The following PDE11A variants were observed in gnomAD, a reference collection of about 807,000 sequenced individuals.
PDE11A encodes phosphodiesterase 11A, also known as dual 3',5'-cyclic-AMP and -GMP phosphodiesterase 11A.
In PDE11A, 100 loss-of-function variants were observed where a neutral mutation model predicts 100.5. The ratio of observed to expected loss-of-function variants is 1.00; its 90% confidence interval spans 0.85 to 1.18. PDE11A has a LOEUF of 1.18. Ranked by LOEUF, PDE11A falls within the 50% of genes most tolerant of loss-of-function variation. The pLI is 0.00. For synonymous variants in PDE11A, 381 were observed against 420.8 expected (o/e 0.91, Z 1.16); for missense variants, 1,141 against 1,152.6 (o/e 0.99, Z 0.15).
intron 5 of PDE11A, among the ~76,000 whole-genome samples, chr2:177,844,517 C>CT (rs745363380): frequency 0.019 from 2,748 of 143,882 alleles, 52 homozygotes; most frequent in South Asian, 0.049. Context: ...TTTGGAATTC[C>CT]TTTTTTTTTT....
At chr2:177,906,179 ACGCACGCACG>A (rs1317336261) in intron 2 of PDE11A, among the ~76,000 whole-genome samples, 111 of 58,018 alleles carry the variant, frequency 1.9e-3, no homozygotes, top group Middle Eastern at 0.018. Flanking sequence ...ACACACACAC[ACGCACGCACG>A]CACGCACGCA....
intron 2 of PDE11A, among the ~76,000 whole-genome samples, chr2:178,080,710 GC>G (rs1195880672): frequency 6.6e-6 from 1 of 151,856 alleles, no homozygotes; most frequent in Non-Finnish European, 1.5e-5. Context: ...GAATATAAAT[GC>G]CTTATCATTT....
chr2:177,671,970 T>C (rs2080689783), intron 17 of PDE11A, among the ~76,000 whole-genome samples: 1 of 152,166 alleles, frequency 6.6e-6, no homozygotes, highest in Admixed American at 6.6e-5. Context: ...CCATTCCCTT[T>C]CTGCTCTTCT....
chr2:177,651,314 T>TC (rs1280629079), intron 19 of PDE11A, among the ~76,000 whole-genome samples: 2 of 152,224 alleles, frequency 1.3e-5, no homozygotes, highest in Non-Finnish European at 2.9e-5. Context: ...GCTTTAACTA[T>TC]AATAGGTGTA....
intron 15 of PDE11A, chr2:177,687,937 C>A (rs1261020259): frequency 1.3e-5 from 2 of 152,150 alleles, no homozygotes; most frequent in Non-Finnish European, 2.9e-5. Flanking sequence ...GTGGTATTTG[C>A]CAGCTGATGA....
intron 6 of PDE11A, among the ~76,000 whole-genome samples, chr2:177,836,009 C>T (rs2083392233): frequency 6.6e-6 from 1 of 152,234 alleles, no homozygotes; most frequent in Admixed American, 6.5e-5. Flanking sequence ...CTGCCCCCTG[C>T]TCTGCAGCAC....
intron 9 of PDE11A, among the ~76,000 whole-genome samples, chr2:177,795,503 A>G (rs902556086): frequency 6.6e-6 from 1 of 152,090 alleles, no homozygotes; most frequent in African/African-American, 2.4e-5. Flanking sequence ...GATGTCACAC[A>G]CACACATTTA....
intron 12 of PDE11A, among the ~76,000 whole-genome samples, chr2:177,717,778 C>G (rs2081464192): frequency 6.6e-6 from 1 of 152,140 alleles, no homozygotes; most frequent in South Asian, 2.1e-4. Flanking sequence ...CATATAATAA[C>G]TAGAACTCCA....
intron 2 of PDE11A, among the ~76,000 whole-genome samples, chr2:178,091,001 A>G (rs2087416048): frequency 6.6e-6 from 1 of 152,200 alleles, no homozygotes; most frequent in African/African-American, 2.4e-5. Context: ...ATCATTGTCA[A>G]TATGTTCCCC....
chr2:177,970,546 G>C (rs761571873), intron 2 of PDE11A, among the ~76,000 whole-genome samples: 1 of 151,964 alleles, frequency 6.6e-6, no homozygotes, highest in South Asian at 2.1e-4. Context: ...GACACAAGCA[G>C]AGGAAGTTAG....
chr2:177,763,767 G>A (rs2082201181), intron 10 of PDE11A, among the ~76,000 whole-genome samples: 5 of 152,228 alleles, frequency 3.3e-5, no homozygotes. Flanking sequence ...GCTGCTGCAA[G>A]AATTGGGCTC....
At chr2:177,776,070 G>T (rs1480148451) in intron 9 of PDE11A, among the ~76,000 whole-genome samples, 1 of 152,116 alleles carries the variant, frequency 6.6e-6, no homozygotes, top group Non-Finnish European at 1.5e-5. Flanking sequence ...ATGTCTCACT[G>T]TTTGTATTAT....
chr2:177,889,698 G>A (rs1316865788), intron 4 of PDE11A, among the ~76,000 whole-genome samples: 1 of 150,046 alleles, frequency 6.7e-6, no homozygotes, highest in Non-Finnish European at 1.5e-5. Context: ...TTTCTGTGCA[G>A]CTACATATTT....
chr2:177,737,850 A>G (rs2081815034), intron 10 of PDE11A, among the ~76,000 whole-genome samples: 1 of 152,224 alleles, frequency 6.6e-6, no homozygotes, highest in South Asian at 2.1e-4. Flanking sequence ...TGTGTCCTAA[A>G]TGCTCATTGC....
intron 2 of PDE11A, among the ~76,000 whole-genome samples, chr2:177,957,042 A>G (rs914174924): frequency 1.3e-5 from 2 of 152,088 alleles, no homozygotes; most frequent in Non-Finnish European, 2.9e-5. Context: ...CCTAAAACTT[A>G]AAGTATAATA....
chr2:177,785,818 G>A (rs1274801351), intron 9 of PDE11A, among the ~76,000 whole-genome samples: 2 of 152,234 alleles, frequency 1.3e-5, no homozygotes, highest in Non-Finnish European at 2.9e-5. Flanking sequence ...CTGCAAGGCG[G>A]CAGCGAGGCT....
Position 177,816,700 on chromosome 2 carries a change from C to T in PDE11A, c.1737+129G>A. On this transcript the variant is annotated intron_variant, in intron 9 of 19. Transcript: ENST00000286063. ...CTGGACTTCATGAGATTTAAACCCA[C>T]AACCTAAAATGATTAAGGCCCAATG... 3 of 722,338 alleles carry T rather than the reference C, an allele frequency of 4.2e-6. No individual in the cohort carries two copies. In the South Asian group the frequency reaches 4.5e-5, roughly 11 times the overall value. 44.7% of individuals were successfully genotyped at this position (722,338 alleles called of 1,614,324 possible).
chr2:177,997,820 T>C lies in PDE11A; in HGVS notation c.1071+16482A>G. ...TCTGCTTCTTCTGGAGGGAGGGGCA[T>C]GTATTCCAATAACTTATCAAATAGT... On this transcript the variant is annotated intron_variant, in intron 2 of 19. Coordinates refer to ENST00000286063, the MANE Select transcript of PDE11A (RefSeq NM_016953.4). 3 of 1,309,896 alleles carry C rather than the reference T, an allele frequency of 2.3e-6. No homozygotes were observed. In the South Asian group the frequency reaches 3.5e-5, roughly 15 times the overall value. 81.1% of individuals were successfully genotyped at this position (1,309,896 alleles called of 1,614,324 possible). A position where few individuals can be genotyped will look rare whatever the true frequency, so the allele number is the denominator to read the frequency against.
At chr2:177,631,863 T>C (rs1393409349) in intron 19 of PDE11A, among the ~76,000 whole-genome samples, 1 of 151,868 alleles carries the variant, frequency 6.6e-6, no homozygotes, top group Non-Finnish European at 1.5e-5. Context: ...GTTAAACACA[T>C]TGCCAGCTGC....
Sources: gnomAD v4.1 joint callset for allele counts (sites outside exome capture counted in the v4.1 genomes callset) on GRCh38, gnomAD v4.1.1 for gene constraint, MANE v1.5 for transcripts, NCBI Gene and HGNC (gene_info 2026-07-23, HGNC 2026-07-21) for gene names.